ABCC8: variants seen among roughly 807,000 people sequenced by gnomAD.
The protein encoded by ABCC8 is ATP binding cassette subfamily C member 8.
A neutral mutation model predicts 188.0 loss-of-function variants in ABCC8; 137 were observed. That is an observed-to-expected ratio of 0.73 (90% CI 0.63 to 0.84). The LOEUF (loss-of-function observed/expected upper bound fraction) is 0.84, where lower values mean the gene tolerates loss of function less well. ABCC8 is among the 40% of genes least tolerant of loss of function. ABCC8 has a pLI of 0.00. For missense variants in ABCC8, 1,750 were observed against 2,072.7 expected (o/e 0.84, Z 3.02); for synonymous variants, 797 against 846.5 (o/e 0.94, Z 1.01).
rs745600400 is a variant in ABCC8, at chr11:17,428,628, A to T, written c.1860T>A (p.Arg620=). Residue 620 remains arginine, a synonymous_variant, in exon 13 of 39, where the codon CGT becomes CGA. Coordinates refer to ENST00000389817, the MANE Select transcript of ABCC8 (RefSeq NM_000352.6). ...GCTCATGGGGGGCACACTGCTCCTC[A>T]CGGATCTCTGCACTGGACAGGAACT... ...LSEFLSSAEI[R]EEQCAPHEPT... The T allele has an allele frequency of 1.9e-6, 3 of 1,614,010 alleles. No individual in the cohort carries two copies. The highest frequency in any genetic ancestry group is 4.5e-5 in the East Asian group (2 of 44,870).
rs1955645998 is a variant in ABCC8, at chr11:17,427,720, A to G, written c.2116+147T>C. The G allele has an allele frequency of 8.5e-7, 1 of 1,169,808 alleles. No individual in the cohort carries two copies. Among genetic ancestry groups the G allele is most frequent in the South Asian group, 1.5e-5 (1 of 65,106 alleles). The allele number at this position is 1,169,808 out of a possible 1,614,324, so 72.5% of individuals were successfully genotyped here. Reference sequence around the variant, plus strand: ...CAGCACACGGAAGCCTCTAGAATGTAGCCTTCCCCTTCTATAATATACCCA... The same window carrying G: ...CAGCACACGGAAGCCTCTAGAATGTGGCCTTCCCCTTCTATAATATACCCA... On this transcript the variant is annotated intron_variant, in intron 15 of 38. Transcript: ENST00000389817. This position sits in a 1 kb window ranked among gnomAD's most constrained non-coding sequence, Gnocchi z 5.0.
At chr11:17,455,954 A>G (rs1057003738) in intron 6 of ABCC8, among the ~76,000 whole-genome samples, 73 of 149,152 alleles carry the variant, frequency 4.9e-4, no homozygotes, top group Non-Finnish European at 8.6e-4. Flanking sequence ...AAAAAAAAAA[A>G]AAAAAGAAGT....
chr11:17,443,107 GGGA>G, intron 9 of ABCC8, 68 bp downstream of exon 9: 2 of 1,569,950 alleles, frequency 1.3e-6, no homozygotes, highest in Non-Finnish European at 1.8e-6. Context: ...GTGGGTGTGT[GGGA>G]GGAGACCTGC....
intron 8 of ABCC8, among the ~76,000 whole-genome samples, chr11:17,446,586 T>C (rs1291842075): frequency 6.6e-6 from 1 of 152,108 alleles, no homozygotes. Flanking sequence ...GCTTAGAAAG[T>C]CTTGTGCATA....
chr11:17,437,975 C>T (rs764621593), intron 10 of ABCC8, among the ~76,000 whole-genome samples: 4 of 152,176 alleles, frequency 2.6e-5, no homozygotes, highest in African/African-American at 4.8e-5. Flanking sequence ...GTAGAGAGCA[C>T]CTGTAATCCC....
chr11:17,429,444 G>C (rs2283262), intron 12 of ABCC8: 38,878 of 152,204 alleles, frequency 0.26, 5,328 homozygotes, highest in South Asian at 0.4. Flanking sequence ...CTGCCTTCAT[G>C]CCCTGTCCAG....
In ABCC8 at chr11:17,406,605, C is replaced by T; in HGVS notation, c.3329+17G>A. 1 of 1,609,568 alleles carries T rather than the reference C, an allele frequency of 6.2e-7. No individual in the cohort carries two copies. The highest frequency in any genetic ancestry group is 8.5e-7 in the Non-Finnish European group (1 of 1,176,828). ...TGACTTGCTCACAGTCCCAGCCTGG[C>T]CAGGGGAGACGGGTACCTCATGGGG... On this transcript the variant is annotated intron_variant, in intron 26 of 38. Coordinates refer to ENST00000389817, the MANE Select transcript of ABCC8 (RefSeq NM_000352.6).
intron 16 of ABCC8, among the ~76,000 whole-genome samples, chr11:17,419,187 C>T (rs1955220497): frequency 6.6e-6 from 1 of 152,234 alleles, no homozygotes; most frequent in Non-Finnish European, 1.5e-5. Context: ...GTCTGGCAGG[C>T]ACCATCTCTC....
rs71047551 is a variant in ABCC8 at position 17,437,091 on chromosome 11, CAAAAAAAA to C, written c.1631-4855_1631-4848del. 4.8e-3 allele frequency among the ~76,000 whole-genome samples: 263 copies of C among 55,096 alleles called. 4 individuals are homozygous for C. Among genetic ancestry groups the C allele is most frequent in the East Asian group, 0.032 (53 of 1,640 alleles). 36.1% of individuals were successfully genotyped at this position (55,096 alleles called of 152,430 possible). On this transcript the variant is annotated intron_variant, in intron 10 of 38. Coordinates refer to ENST00000389817, the MANE Select transcript of ABCC8 (RefSeq NM_000352.6). ...GGGCAACAAGAGTGAAACTCTGTCT[CAAAAAAAA>C]AAAAAAAAAAAAAAAAAAAGACTTA... is the stretch of plus-strand genomic sequence containing the variant.
intron 29 of ABCC8, 52 bp downstream of exon 29, chr11:17,402,609 C>A: frequency 1.2e-6 from 2 of 1,614,112 alleles, no homozygotes; most frequent in South Asian, 1.1e-5. Context: ...GGCCTGTGCC[C>A]CCTGGCCCCA....
chr11:17,472,675 C>T (rs1037477823), intron 2 of ABCC8, among the ~76,000 whole-genome samples: 1 of 152,180 alleles, frequency 6.6e-6, no homozygotes, highest in African/African-American at 2.4e-5. Flanking sequence ...TGATCTGTGC[C>T]CTGGGGAGGA....
In ABCC8 at chr11:17,406,986, T is replaced by G; in HGVS notation, c.3064A>C (p.Lys1022Gln). ...TCGATGGCCACCAGGACCATGTGCT[T>G]GAGCAGCTGTGAGAAGACCAGCAAC... is the stretch of plus-strand genomic sequence containing the variant. ...LSLLVFSQLLKHMVLVAIDYW... is the reference protein window; with the variant it reads ...LSLLVFSQLLQHMVLVAIDYW... Residue 1022 changes from lysine to glutamine, a missense_variant, in exon 25 of 39, where the codon AAG becomes CAG. By Grantham distance (53) the Lys-to-Gln change is moderately conservative. Transcript: ENST00000389817. The G allele has an allele frequency of 6.2e-7, 1 of 1,614,152 alleles. No homozygotes were observed. The highest frequency in any genetic ancestry group is 8.5e-7 in the Non-Finnish European group (1 of 1,180,018).
intron 17 of ABCC8, among the ~76,000 whole-genome samples, chr11:17,415,957 TG>T (rs1203045341): frequency 1.3e-5 from 2 of 152,212 alleles, no homozygotes; most frequent in Non-Finnish European, 2.9e-5. Flanking sequence ...GCTGCTCCCG[TG>T]TCAAATATTC....
intron 8 of ABCC8, 44 bp downstream of exon 8, chr11:17,448,472 T>A (rs1956626092): frequency 2.6e-6 from 4 of 1,562,254 alleles, no homozygotes; most frequent in Non-Finnish European, 3.5e-6. Context: ...ATTCTGGTTG[T>A]GTGTCCTGCT....
intron 1 of ABCC8, 66 bp from the exon 2 acceptor site, chr11:17,475,093 C>T: frequency 6.2e-7 from 1 of 1,602,212 alleles, no homozygotes; most frequent in Non-Finnish European, 8.5e-7. Flanking sequence ...GTGCATGAAC[C>T]CCAGAAAGGT....
chr11:17,435,768 G>C (rs1956066911), intron 10 of ABCC8: 1 of 1,348,802 alleles, frequency 7.4e-7, no homozygotes, highest in Admixed American at 1.7e-5. Context: ...CTTTTCCTAG[G>C]TCCCACATCA....
At chr11:17,421,577 A>G (rs1217247562) in intron 16 of ABCC8, among the ~76,000 whole-genome samples, 1 of 152,208 alleles carries the variant, frequency 6.6e-6, no homozygotes, top group Non-Finnish European at 1.5e-5. Flanking sequence ...ACTGGAGGAC[A>G]TTTAAAGAGG....
chr11:17,413,607 T>C, intron 19 of ABCC8, 129 bp from the exon 20 acceptor site: 1 of 1,582,448 alleles, frequency 6.3e-7, no homozygotes, highest in Admixed American at 1.8e-5. Flanking sequence ...GGCCTCCCGC[T>C]TGGGTGCAAG....
chr11:17,417,586 A>G (rs1955144373), intron 16 of ABCC8, among the ~76,000 whole-genome samples: 1 of 152,152 alleles, frequency 6.6e-6, no homozygotes, highest in African/African-American at 2.4e-5. Context: ...CCCCCAGGAT[A>G]CCTCTCAACC....
Sources: gnomAD v4.1 joint callset for allele counts (sites outside exome capture counted in the v4.1 genomes callset) on GRCh38, gnomAD v4.1.1 for gene constraint, Gnocchi (gnomAD v3.1) non-coding constraint, MANE v1.5 for transcripts, NCBI Gene and HGNC (gene_info 2026-07-23, HGNC 2026-07-21) for gene names.